PLXDC1: variants seen among roughly 807,000 people sequenced by gnomAD.
PLXDC1 encodes plexin domain-containing protein 1.
In PLXDC1, 39 loss-of-function variants were observed where a neutral mutation model predicts 61.3. That is an observed-to-expected ratio of 0.64 (90% CI 0.49 to 0.83). The LOEUF is 0.83. Ranked by LOEUF, PLXDC1 falls within the 40% of genes least tolerant of loss-of-function variation. PLXDC1 has a pLI of 0.00. For synonymous variants in PLXDC1, 212 were observed against 254.5 expected, an observed-to-expected ratio of 0.83 and a Z score of 1.59; for missense variants, 596 against 666.5, an observed-to-expected ratio of 0.89 and a Z score of 1.17.
At chr17:39,106,199 C>G (rs971238329) in intron 6 of PLXDC1, among the ~76,000 whole-genome samples, 9 of 152,076 alleles carry the variant, frequency 5.9e-5, no homozygotes, top group Admixed American at 5.9e-4. Context: ...GGGACATACC[C>G]TTTTCCCTTC....
At chr17:39,103,217 A>G (rs925230771) in intron 7 of PLXDC1, among the ~76,000 whole-genome samples, 47 of 149,622 alleles carry the variant, frequency 3.1e-4, no homozygotes, top group Admixed American at 8.6e-4. Flanking sequence ...TCCGTCTCAA[A>G]AAAAAAAAAA....
At chr17:39,071,010 G>A (rs1322391059) in intron 12 of PLXDC1, among the ~76,000 whole-genome samples, 4 of 152,104 alleles carry the variant, frequency 2.6e-5, no homozygotes, top group Non-Finnish European at 5.9e-5. Flanking sequence ...TGGCAGGCCC[G>A]TCAGAGAAGC....
upstream of PLXDC1, among the ~76,000 whole-genome samples, chr17:39,152,288 A>T (rs1281332394): frequency 6.6e-6 from 1 of 151,756 alleles, no homozygotes; most frequent in Non-Finnish European, 1.5e-5. Flanking sequence ...CCTCCCCACG[A>T]GTAGGTAACC....
chr17:39,098,796 A>G (rs2048475034), intron 7 of PLXDC1, among the ~76,000 whole-genome samples: 1 of 152,150 alleles, frequency 6.6e-6, no homozygotes, highest in African/African-American at 2.4e-5. Context: ...GGACTGTGTC[A>G]TACCGATGTG....
rs1567759244 is a variant in PLXDC1, at chr17:39,095,375, C to CGG, written c.812-7674_812-7673insCC. On this transcript the variant is annotated intron_variant, in intron 7 of 13. Coordinates refer to ENST00000315392, the MANE Select transcript of PLXDC1 (RefSeq NM_020405.5). ...AAGAATCCTTACGCCCCGCCCCCCC[C>CGG]CCCCAACCCCCCAAGCCTGGGTTAT... Among the ~76,000 whole-genome samples the CGG allele has an allele frequency of 2.8e-3, 29 of 10,450 alleles. 9 individuals carry two copies. Among genetic ancestry groups the CGG allele is most frequent in the Non-Finnish European group, 6.4e-3 (25 of 3,930 alleles). The allele number at this position is 10,450 out of a possible 152,430, so 6.9% of individuals were successfully genotyped here. A position where few individuals can be genotyped will look rare whatever the true frequency, so the allele number is the denominator to read the frequency against.
At chr17:39,126,056 C>G (rs1322325225) in intron 2 of PLXDC1, among the ~76,000 whole-genome samples, 1 of 152,094 alleles carries the variant, frequency 6.6e-6, no homozygotes, top group Non-Finnish European at 1.5e-5. Context: ...GAGTTCGAGA[C>G]CAGCCTGGCC....
chr17:39,145,574 G>C (rs2045335099), intron 1 of PLXDC1, among the ~76,000 whole-genome samples: 1 of 152,126 alleles, frequency 6.6e-6, no homozygotes, highest in African/African-American at 2.4e-5. Flanking sequence ...CCGGCTTCCA[G>C]CTCACCTGTC....
At chr17:39,144,285 T>C (rs559994378) in intron 1 of PLXDC1, among the ~76,000 whole-genome samples, 6 of 152,292 alleles carry the variant, frequency 3.9e-5, no homozygotes, top group African/African-American at 1.2e-4. Flanking sequence ...GATTTGACGA[T>C]GGTGCCCACA....
chr17:39,095,367 G>GCCCCCACCCCCCC (rs1555571240), intron 7 of PLXDC1, among the ~76,000 whole-genome samples: 1 of 7,582 alleles, frequency 1.3e-4, no homozygotes. Context: ...CTTACGCCCC[G>GCCCCCACCCCCCC]CCCCCCCCCC....
At chr17:39,071,063 A>G (rs1341155606) in intron 12 of PLXDC1, among the ~76,000 whole-genome samples, 3 of 152,246 alleles carry the variant, frequency 2.0e-5, no homozygotes, top group Non-Finnish European at 4.4e-5. Context: ...CTGGAAGCTA[A>G]TAAGCCAACA....
chr17:39,100,686 C>G (rs1011004160), intron 7 of PLXDC1, among the ~76,000 whole-genome samples: 9 of 152,228 alleles, frequency 5.9e-5, no homozygotes, highest in Non-Finnish European at 8.8e-5. Context: ...AATTCTGGAG[C>G]AATTTGTTAT....
intron 7 of PLXDC1, among the ~76,000 whole-genome samples, chr17:39,098,096 T>A (rs1341011854): frequency 6.7e-6 from 1 of 149,474 alleles, no homozygotes; most frequent in Non-Finnish European, 1.5e-5. Context: ...TCACAGCTAC[T>A]CCGGAGGCTG....
intron 2 of PLXDC1, among the ~76,000 whole-genome samples, chr17:39,111,362 G>A (rs1234083144): frequency 6.6e-6 from 1 of 152,180 alleles, no homozygotes; most frequent in East Asian, 1.9e-4. Context: ...TCGGCTCACT[G>A]CAACCTCCGT....
intron 2 of PLXDC1, among the ~76,000 whole-genome samples, chr17:39,117,733 C>G (rs545912583): frequency 6.6e-6 from 1 of 152,286 alleles, no homozygotes; most frequent in South Asian, 2.1e-4. Context: ...CAGAGCAAGA[C>G]ATTGTCACAA....
At chr17:39,092,998 C>A (rs1567758575) in intron 7 of PLXDC1, among the ~76,000 whole-genome samples, 1 of 152,240 alleles carries the variant, frequency 6.6e-6, no homozygotes, top group South Asian at 2.1e-4. Flanking sequence ...CCAGCACACC[C>A]CTGCTGAGAG....
chr17:39,087,303 G>A (rs1016515230), intron 8 of PLXDC1, among the ~76,000 whole-genome samples: 1 of 152,140 alleles, frequency 6.6e-6, no homozygotes, highest in Non-Finnish European at 1.5e-5. Context: ...GCTTTCCCGG[G>A]TTTCAATTAT....
At position 39,151,323 on chromosome 17, in the gene PLXDC1, C is replaced by T. The variant is rs772331979; in HGVS notation, c.76+39G>A. On this transcript the variant is annotated intron_variant, in intron 1 of 13. Coordinates refer to ENST00000315392, the MANE Select transcript of PLXDC1 (RefSeq NM_020405.5). This position sits in a 1 kb window ranked among gnomAD's most constrained non-coding sequence, Gnocchi z 5.2. ...CCACACCTGACTGCCCGTCCCTCCC[C>T]GCCCCCGGCCCACCCGGGCCGGCTC... 3.9e-5 allele frequency: 49 copies of T among 1,260,900 alleles called. 1 individual carries two copies. In the East Asian group the frequency reaches 1.4e-3, roughly 35 times the overall value. 78.1% of individuals were successfully genotyped at this position (1,260,900 alleles called of 1,614,324 possible). A position where few individuals can be genotyped will look rare whatever the true frequency, so the allele number is the denominator to read the frequency against.
At chr17:39,144,202 C>A (rs941716858) in intron 1 of PLXDC1, among the ~76,000 whole-genome samples, 2 of 152,154 alleles carry the variant, frequency 1.3e-5, no homozygotes, top group African/African-American at 4.8e-5. Flanking sequence ...CCCAGTCTTG[C>A]CACTCACAAG....
Position 39,069,881 on chromosome 17 carries a change from G to T in PLXDC1, c.1358C>A (p.Ser453Tyr). 6.2e-7 allele frequency: 1 copy of T among 1,614,010 alleles called. No homozygotes were observed. The highest frequency in any genetic ancestry group is 8.5e-7 in the Non-Finnish European group (1 of 1,179,890). The change falls in exon 13 of 14, where the codon TCC becomes TAC. Residue 453 changes from serine (S) to tyrosine (Y), a missense_variant. Coordinates refer to ENST00000315392, the MANE Select transcript of PLXDC1 (RefSeq NM_020405.5). Reference protein sequence around the residue: ...AGIYINGHPTSNAALFFIERR... With the variant: ...AGIYINGHPTYNAALFFIERR... ...CTCGATGAAGAAGAGCGCAGCATTGGATGTGGGGTGGCCATTGATGTAAAT... is the reference window on the plus strand; with the variant it reads ...CTCGATGAAGAAGAGCGCAGCATTGTATGTGGGGTGGCCATTGATGTAAAT...
Sources: allele counts gnomAD v4.1 joint callset (sites outside exome capture counted in the v4.1 genomes callset), GRCh38; gene constraint gnomAD v4.1.1; non-coding constraint Gnocchi (gnomAD v3.1); transcripts MANE v1.5; gene names NCBI Gene and HGNC (gene_info 2026-07-23, HGNC 2026-07-21).